The following ABR variants were observed in gnomAD, a reference collection of about 807,000 sequenced individuals.
ABR encodes ABR activator of RhoGEF and GTPase.
A neutral mutation model predicts 107.2 loss-of-function variants in ABR; 35 were observed. The ratio of observed to expected loss-of-function variants is 0.33; its 90% CI spans 0.25 to 0.43. ABR has a LOEUF of 0.43. ABR is among the 20% of genes least tolerant of loss of function. The pLI is 1.00. For synonymous variants in ABR, 498 were observed against 462.0 expected (o/e 1.08, Z -1.00); for missense variants, 815 against 1,115.2 (o/e 0.73, Z 3.83).
chr17:1,130,971 G>T lies in ABR; in HGVS notation c.62-5604C>A, dbSNP rs564164338. Among the ~76,000 whole-genome samples the T allele has an allele frequency of 1.3e-5, 2 of 152,348 alleles. 1 individual carries two copies. The highest frequency in any genetic ancestry group is 4.1e-4 in the South Asian group (2 of 4,832). The stretch of plus-strand genomic sequence containing the variant: ...AGAGCATCGATTTCTGCTGTTCTAA[G>T]CCATCAAGTTCATGGCAATCTCTAA... On this transcript the variant is annotated intron_variant, in intron 1 of 22. Transcript: ENST00000302538.
At position 1,157,647 on chromosome 17, in the gene ABR, C is replaced by T. The variant is rs1277606105; in HGVS notation, c.61+22020G>A. ...CAAGGGAAGAGCCGCTGCTGGAACA[C>T]GCCCAGCGGAACAGGGGGAAGCCAA... On this transcript the variant is annotated intron_variant, in intron 1 of 22. Coordinates refer to ENST00000302538, the MANE Select transcript of ABR (RefSeq NM_021962.5). The surrounding 1 kb of genome is among the most constrained non-coding windows in gnomAD (Gnocchi z 4.7). Among the ~76,000 whole-genome samples the T allele has an allele frequency of 2.0e-5, 3 of 152,248 alleles. No homozygotes were observed. Among genetic ancestry groups the T allele is most frequent in the African/African-American group, 4.8e-5 (2 of 41,472 alleles).
intron 1 of ABR, chr17:1,228,286 C>T (rs116787318): frequency 6.6e-6 from 1 of 152,482 alleles, no homozygotes; most frequent in African/African-American, 2.4e-5. Flanking sequence ...GTGGCCCCAA[C>T]ACACAGAGCA....
At chr17:1,043,464 C>T (rs949704788) in intron 16 of ABR, among the ~76,000 whole-genome samples, 11 of 152,142 alleles carry the variant, frequency 7.2e-5, no homozygotes, top group African/African-American at 2.4e-4. Context: ...CCACCGCGCC[C>T]GGCCCCTAAA....
chr17:1,089,685 C>T (rs906152712), intron 4 of ABR, among the ~76,000 whole-genome samples: 1 of 152,206 alleles, frequency 6.6e-6, no homozygotes, highest in Non-Finnish European at 1.5e-5. Context: ...GCAGGCCGGG[C>T]GCGGTGGCTC....
At chr17:1,019,311 T>C (rs1260055821) in intron 16 of ABR, among the ~76,000 whole-genome samples, 1 of 152,042 alleles carries the variant, frequency 6.6e-6, no homozygotes, top group Non-Finnish European at 1.5e-5. Flanking sequence ...CCTGCTCCAC[T>C]AAGATCTACC....
chr17:1,173,327 C>T (rs2041812518), intron 1 of ABR, among the ~76,000 whole-genome samples: 2 of 127,272 alleles, frequency 1.6e-5, no homozygotes, highest in East Asian at 4.7e-4. Context: ...CACCTCAGCC[C>T]ACCCAACACA....
At chr17:1,049,342 A>G (rs2032166284) in intron 16 of ABR, among the ~76,000 whole-genome samples, 1 of 151,876 alleles carries the variant, frequency 6.6e-6, no homozygotes, top group African/African-American at 2.4e-5. Flanking sequence ...TAATTTTTGT[A>G]TTTTTAGTAG....
At position 1,070,079 on chromosome 17, in the gene ABR, C is replaced by A. The variant is rs1377597109; in HGVS notation, c.906G>T (p.Leu302=). The change falls in exon 9 of 23, where the codon CTG becomes CTT. Residue 302 remains leucine (L), a synonymous_variant. Coordinates refer to ENST00000302538, the MANE Select transcript of ABR (RefSeq NM_021962.5). The surrounding 1 kb of genome is among the most constrained non-coding windows in gnomAD (Gnocchi z 4.2). Reference sequence around the variant, plus strand: ...CTTCCACCAGGAAGCCGTCCTTCACCAGCTGTCGCGTCTGAGGGAGATGGC... The same window carrying A: ...CTTCCACCAGGAAGCCGTCCTTCACAAGCTGTCGCGTCTGAGGGAGATGGC... ...VTTPKGETRQ[L]VKDGFLVEVS... 4 of 1,613,628 alleles carry A rather than the reference C, an allele frequency of 2.5e-6. No homozygotes were observed. Among genetic ancestry groups the A allele is most frequent in the Non-Finnish European group, 3.4e-6 (4 of 1,179,940 alleles).
chr17:1,022,120 A>AAAAAAAAAAAAAACAAAAAC (rs56033950), intron 16 of ABR, among the ~76,000 whole-genome samples: 7 of 118,388 alleles, frequency 5.9e-5, no homozygotes, highest in Admixed American at 2.8e-4. Context: ...AAAAAAAAAA[A>AAAAAAAAAAAAAACAAAAAC]AAAAACAGAA....
chr17:1,219,842 A>G (rs1041514404), intron 1 of ABR, among the ~76,000 whole-genome samples: 16 of 151,418 alleles, frequency 1.1e-4, no homozygotes, highest in Non-Finnish European at 2.4e-4. Context: ...TTGCTGGTGG[A>G]CCAGTCAGAG....
At chr17:1,073,550 GCACCCTCT>G (rs1289063851) in intron 7 of ABR, 67 bp downstream of exon 7, 1 of 1,261,506 alleles carries the variant, frequency 7.9e-7, no homozygotes, top group African/African-American at 1.5e-5. Flanking sequence ...GGTGACTCCA[GCACCCTCT>G]CACCCAGGCT....
intron 21 of ABR, among the ~76,000 whole-genome samples, chr17:1,008,214 T>C (rs1164523877): frequency 6.6e-6 from 1 of 152,232 alleles, no homozygotes; most frequent in African/African-American, 2.4e-5. Context: ...TCAGGGCTGG[T>C]GTCCAGGCAG....
At chr17:1,072,880 G>C (rs1453153275) in intron 7 of ABR, 126 bp from the exon 8 acceptor site, 3 of 1,287,426 alleles carry the variant, frequency 2.3e-6, no homozygotes, top group Non-Finnish European at 3.1e-6. Flanking sequence ...CGCAAAATCT[G>C]AACTACAAAT....
At chr17:1,098,942 C>T (rs1198440437) in intron 3 of ABR, among the ~76,000 whole-genome samples, 1 of 152,122 alleles carries the variant, frequency 6.6e-6, no homozygotes, top group Non-Finnish European at 1.5e-5. Flanking sequence ...CCCGCCACCA[C>T]GCCCAGCTAA....
chr17:1,179,682 C>A lies in ABR; in HGVS notation c.46G>T (p.Asp16Tyr). ...HRGLPRLSWI[D>Y]TLYSNFSYGT... ...GCACACGTACTGCTGTAGAGGGTGT[C>A]GATCCAGGACAGGCGCGGCAGGCCC... The change falls in exon 1 of 23, where the codon GAC (aspartate) becomes TAC (tyrosine). Residue 16 changes from aspartate to tyrosine, a missense_variant. Asp to Tyr is a radical substitution (Grantham distance 160). Coordinates refer to ENST00000302538, the MANE Select transcript of ABR (RefSeq NM_021962.5). This position sits in a 1 kb window ranked among gnomAD's most constrained non-coding sequence, Gnocchi z 4.9. 2 of 1,563,860 alleles carry A rather than the reference C, an allele frequency of 1.3e-6. No homozygotes were observed. The highest frequency in any genetic ancestry group is 1.7e-6 in the Non-Finnish European group (2 of 1,155,862).
chr17:1,159,584 A>AATGCGGTACTCACGCACAAGGGAAGT (rs1567841508), intron 1 of ABR, among the ~76,000 whole-genome samples: 2 of 29,694 alleles, frequency 6.7e-5, no homozygotes, highest in African/African-American at 1.2e-4. Context: ...GAGAAGTAAG[A>AATGCGGTACTCACGCACAAGGGAAGT]ATGCGGTACT....
chr17:1,108,188 T>C (rs1357281871), intron 2 of ABR, among the ~76,000 whole-genome samples: 1 of 152,170 alleles, frequency 6.6e-6, no homozygotes, highest in Non-Finnish European at 1.5e-5. Flanking sequence ...GAGAGGTGTG[T>C]CCAGGAGAGA....
intron 3 of ABR, among the ~76,000 whole-genome samples, chr17:1,098,975 T>A (rs1373992568): frequency 6.6e-6 from 1 of 151,716 alleles, no homozygotes; most frequent in African/African-American, 2.4e-5. Flanking sequence ...TTAGTAGAGA[T>A]GGGGCTTCAC....
At position 1,078,095 on chromosome 17, in the gene ABR, C is replaced by T. The variant is rs1240455646; in HGVS notation, c.700+1235G>A. Among the ~76,000 whole-genome samples the T allele has an allele frequency of 6.6e-6, 1 of 151,144 alleles. No homozygotes were observed. Among genetic ancestry groups the T allele is most frequent in the Non-Finnish European group, 1.5e-5 (1 of 67,982 alleles). On this transcript the variant is annotated intron_variant, in intron 6 of 22. Coordinates refer to ENST00000302538, the MANE Select transcript of ABR (RefSeq NM_021962.5). This position sits in a 1 kb window ranked among gnomAD's most constrained non-coding sequence, Gnocchi z 7.5. ...AGGAGGATGGTCCGGGTCCCTTCCA[C>T]CGAAAGGTGGTGTGTGTGTGTGTGT...
Sources: gnomAD v4.1 joint callset for allele counts (sites outside exome capture counted in the v4.1 genomes callset) on GRCh38, gnomAD v4.1.1 for gene constraint, Gnocchi (gnomAD v3.1) non-coding constraint, MANE v1.5 for transcripts, NCBI Gene and HGNC (gene_info 2026-07-23, HGNC 2026-07-21) for gene names.